The following BAZ2B variants were observed in gnomAD, a reference collection of about 807,000 sequenced individuals.
BAZ2B encodes the protein bromodomain adjacent to zinc finger domain 2B.
In BAZ2B, 91 loss-of-function variants were observed where a neutral mutation model predicts 246.0. That is an observed-to-expected ratio of 0.37 (90% confidence interval 0.31 to 0.44). The LOEUF is 0.44. Ranked by LOEUF, BAZ2B falls within the 20% of genes least tolerant of loss-of-function variation. The pLI is 1.00. For synonymous variants in BAZ2B, 855 were observed against 860.0 expected (o/e 0.99, Z 0.10); for missense variants, 2,332 against 2,533.7 (o/e 0.92, Z 1.71).
chr2:159,679,225 T>C, the BAZ2B span, among the ~76,000 whole-genome samples: 2 of 142,094 alleles, frequency 1.4e-5, no homozygotes, highest in African/African-American at 5.5e-5. Context: ...TGAGCCAAGA[T>C]TGCTCCGCTG....
chr2:159,565,002 C>G (rs997227998), intron 1 of BAZ2B, among the ~76,000 whole-genome samples: 2 of 152,148 alleles, frequency 1.3e-5, no homozygotes, highest in African/African-American at 4.8e-5. Flanking sequence ...TCCCAAGTAG[C>G]TGGGATTAGA....
downstream of BAZ2B, among the ~76,000 whole-genome samples, chr2:159,316,714 A>G (rs866044114): frequency 2.2e-3 from 323 of 149,786 alleles, 3 homozygotes; most frequent in African/African-American, 7.5e-3. Flanking sequence ...AAAAAAAAAA[A>G]AAAGAAAGAA....
chr2:159,596,782 G>A (rs1435944269), intron 1 of BAZ2B, among the ~76,000 whole-genome samples: 3 of 152,160 alleles, frequency 2.0e-5, no homozygotes, highest in Non-Finnish European at 4.4e-5. Flanking sequence ...GAGAACATAC[G>A]ATGTTTGGTT....
chr2:159,417,450 C>G (rs923953616), intron 13 of BAZ2B, among the ~76,000 whole-genome samples: 1 of 152,078 alleles, frequency 6.6e-6, no homozygotes, highest in Non-Finnish European at 1.5e-5. Context: ...GGATTACATG[C>G]GTGCGCCACC....
chr2:159,689,034 G>A, the BAZ2B span, among the ~76,000 whole-genome samples: 5 of 152,032 alleles, frequency 3.3e-5, no homozygotes, highest in Non-Finnish European at 5.9e-5. Flanking sequence ...TTTTGAGTAT[G>A]TAAAAACATC....
chr2:159,477,234 G>A (rs2078693489), intron 3 of BAZ2B, among the ~76,000 whole-genome samples: 1 of 152,094 alleles, frequency 6.6e-6, no homozygotes, highest in Admixed American at 6.5e-5. Context: ...GAACCCAGGT[G>A]GTGGAGCTTG....
intron 1 of BAZ2B, among the ~76,000 whole-genome samples, chr2:159,585,793 A>G (rs1687888118): frequency 6.6e-6 from 1 of 152,254 alleles, no homozygotes; most frequent in Non-Finnish European, 1.5e-5. Flanking sequence ...CTTTGTCCCT[A>G]TGCTAAATGG....
rs201230267 is a variant in BAZ2B at position 159,395,752 on chromosome 2, T to C, written c.3075+17A>G. 1 of 1,587,220 alleles carries C rather than the reference T, an allele frequency of 6.3e-7. No homozygotes were observed. The highest frequency in any genetic ancestry group is 1.4e-5 in the African/African-American group (1 of 74,056). Reference sequence around the variant, plus strand: ...ATTACTTTATAAGGTAATATTTTTCTAGAAACATACACTTACTTCTGCTTT... The same window carrying C: ...ATTACTTTATAAGGTAATATTTTTCCAGAAACATACACTTACTTCTGCTTT... On this transcript the variant is annotated intron_variant, in intron 20 of 36. Transcript: ENST00000392783.
chr2:159,627,310 CTT>C, the BAZ2B span, among the ~76,000 whole-genome samples: 1 of 150,012 alleles, frequency 6.7e-6, no homozygotes, highest in African/African-American at 2.4e-5. Flanking sequence ...AATCCTCCCT[CTT>C]TTTATGAGGC....
chr2:159,585,452 A>C (rs531815500), intron 1 of BAZ2B, among the ~76,000 whole-genome samples: 1 of 152,372 alleles, frequency 6.6e-6, no homozygotes, highest in South Asian at 2.1e-4. Context: ...ATGAATGTGA[A>C]AACTGTATTA....
chr2:159,440,576 G>A (rs1053916739), intron 6 of BAZ2B, among the ~76,000 whole-genome samples: 1 of 150,576 alleles, frequency 6.6e-6, no homozygotes, highest in African/African-American at 2.4e-5. Context: ...GAGTACAGTG[G>A]CACGACCTCA....
the BAZ2B span, among the ~76,000 whole-genome samples, chr2:159,659,093 T>C: frequency 2.0e-5 from 3 of 152,310 alleles, no homozygotes; most frequent in South Asian, 6.2e-4. Context: ...ATTCCCTTTG[T>C]TTCTATTTTC....
At chr2:159,695,936 G>A in the BAZ2B span, among the ~76,000 whole-genome samples, 1 of 151,418 alleles carries the variant, frequency 6.6e-6, no homozygotes, top group African/African-American at 2.4e-5. Context: ...CCTTTTGTTT[G>A]TTTTAGTAGA....
At chr2:159,525,403 G>GT (rs2084629677) in intron 2 of BAZ2B, among the ~76,000 whole-genome samples, 6 of 152,164 alleles carry the variant, frequency 3.9e-5, no homozygotes, top group Non-Finnish European at 8.8e-5. Context: ...AATTTGAAAA[G>GT]CTCCAAGATC....
chr2:159,680,427 C>A, the BAZ2B span, among the ~76,000 whole-genome samples: 3 of 152,194 alleles, frequency 2.0e-5, no homozygotes, highest in South Asian at 6.2e-4. Flanking sequence ...TTCCTATATT[C>A]TAAAACAGAT....
At chr2:159,341,519 A>T (rs2066713179) in intron 31 of BAZ2B, among the ~76,000 whole-genome samples, 1 of 152,200 alleles carries the variant, frequency 6.6e-6, no homozygotes, top group African/African-American at 2.4e-5. Flanking sequence ...AATCTGCACC[A>T]TAGACCAAAT....
rs1684751942 is a variant in BAZ2B at position 159,574,272 on chromosome 2, A to C, written c.-45-18407T>G. ...ATAAGAAAAGATGCTCAATATCATT[A>C]GTCATCAGAGAAATGCAAATCAAAA... On this transcript the variant is annotated intron_variant, in intron 1 of 36. Coordinates refer to ENST00000392783, the MANE Select transcript of BAZ2B (RefSeq NM_013450.4). Among the ~76,000 whole-genome samples, 3 of 123,308 alleles carry C rather than the reference A, an allele frequency of 2.4e-5. No individual in the cohort carries two copies. In the Admixed American group the frequency reaches 2.9e-4, roughly 12 times the overall value. The allele number at this position is 123,308 out of a possible 152,430, so 80.9% of individuals were successfully genotyped here.
At chr2:159,646,727 T>C in the BAZ2B span, among the ~76,000 whole-genome samples, 4 of 152,106 alleles carry the variant, frequency 2.6e-5, no homozygotes, top group African/African-American at 9.7e-5. Context: ...TAATAGGCCA[T>C]GGGCTCATAC....
At position 159,414,816 on chromosome 2, in the gene BAZ2B, CA is replaced by C. The variant is rs35430226; in HGVS notation, c.2467-2272del. Among the ~76,000 whole-genome samples the C allele has an allele frequency of 8.2e-3, 1,100 of 134,152 alleles. 6 individuals carry two copies. Among genetic ancestry groups the C allele is most frequent in the African/African-American group, 0.012 (439 of 35,578 alleles). The allele number at this position is 134,152 out of a possible 152,430, so 88.0% of individuals were successfully genotyped here. A position where few individuals can be genotyped will look rare whatever the true frequency, so the allele number is the denominator to read the frequency against. ...TGGGTGACAGAGCGAGACTCCACCT[CA>C]AAAAAAAAAAAATATTCTCATGTAC... On this transcript the variant is annotated intron_variant, in intron 13 of 36. Coordinates refer to ENST00000392783, the MANE Select transcript of BAZ2B (RefSeq NM_013450.4).
Sources: gnomAD v4.1 joint callset for allele counts (sites outside exome capture counted in the v4.1 genomes callset) on GRCh38, gnomAD v4.1.1 for gene constraint, MANE v1.5 for transcripts, NCBI Gene and HGNC (gene_info 2026-07-23, HGNC 2026-07-21) for gene names.